Variants in RADX observed in about 807,000 individuals in gnomAD.
RADX encodes the protein RPA-related protein RADX.
A neutral mutation model predicts 61.6 loss-of-function variants in RADX; 36 were observed. The ratio of observed to expected loss-of-function variants is 0.58; its 90% CI spans 0.45 to 0.77. The LOEUF (loss-of-function observed/expected upper bound fraction) is 0.77, where lower values mean the gene tolerates loss of function less well. Ranked by LOEUF, RADX falls within the 30% of genes least tolerant of loss-of-function variation. The probability of loss-of-function intolerance (pLI) is 0.00; values close to 1 mark genes in which losing one functional copy is unlikely to be tolerated. For synonymous variants in RADX, 272 were observed against 237.9 expected (o/e 1.14, Z -1.32); for missense variants, 497 against 651.1 (o/e 0.76, Z 2.58).
chrX:106,629,290 G>A (rs750913272), intron 3 of RADX, among the ~76,000 whole-genome samples: 2 of 111,531 alleles, frequency 1.8e-5, no homozygotes, highest in African/African-American at 3.3e-5. Context: ...AAAGTACTTC[G>A]GAATATGCAA....
intron 11 of RADX, among the ~76,000 whole-genome samples, chrX:106,658,700 A>G (rs751067188): frequency 8.9e-6 from 1 of 112,308 alleles, no homozygotes; most frequent in South Asian, 3.7e-4. Context: ...AGGTAGTTTC[A>G]TGATAACTTT....
intron 11 of RADX, among the ~76,000 whole-genome samples, chrX:106,661,632 C>T (rs1273640129): frequency 1.8e-5 from 2 of 110,657 alleles, no homozygotes; most frequent in African/African-American, 6.6e-5. Context: ...CTCAAATTTC[C>T]ACCAAGAGTG....
chrX:106,645,470 C>G (rs1291887176), intron 10 of RADX, among the ~76,000 whole-genome samples: 1 of 110,919 alleles, frequency 9.0e-6, no homozygotes, highest in Non-Finnish European at 1.9e-5. Context: ...TCATTTGTTT[C>G]GAGCAATTTT....
intron 13 of RADX, among the ~76,000 whole-genome samples, chrX:106,676,629 T>C (rs1247580218): frequency 8.9e-6 from 1 of 112,618 alleles, no homozygotes; most frequent in Non-Finnish European, 1.9e-5. Flanking sequence ...CTGTGATGCA[T>C]TATCTTAGCA....
intron 1 of RADX, among the ~76,000 whole-genome samples, chrX:106,616,782 G>A (rs1271919136): frequency 9.2e-6 from 1 of 108,666 alleles, no homozygotes; most frequent in African/African-American, 3.4e-5. Flanking sequence ...CAACCATGTC[G>A]GAAACTAGAT....
chrX:106,636,577 C>T lies in RADX; in HGVS notation c.1338C>T (p.Val446=). ...TTGTGTGTACACAGTTGAAAGTTGT[C>T]AGAAATGACAATCAAGTACCTAAGC... ...AYFVCTQLKV[V]RNDNQVPKLL... The change falls in exon 7 of 14, where the codon GTC becomes GTT. Residue 446 remains valine (V), a synonymous_variant. Transcript: ENST00000372548. 1 of 1,203,673 alleles carries T rather than the reference C, an allele frequency of 8.3e-7. No individual in the cohort carries two copies. Among genetic ancestry groups the T allele is most frequent in the Non-Finnish European group, 1.1e-6 (1 of 889,228 alleles).
chrX:106,658,933 C>A (rs1928017365), intron 11 of RADX, among the ~76,000 whole-genome samples: 2 of 100,862 alleles, frequency 2.0e-5, no homozygotes, highest in African/African-American at 7.1e-5. Flanking sequence ...TAGCTCCTTT[C>A]CCTCCCCCAT....
intron 10 of RADX, among the ~76,000 whole-genome samples, chrX:106,644,307 A>G (rs1927603384): frequency 9.0e-6 from 1 of 111,142 alleles, no homozygotes; most frequent in South Asian, 3.8e-4. Flanking sequence ...TTCCAGTACT[A>G]TGCTGAATAA....
chrX:106,626,703 A>C (rs1242054758), intron 3 of RADX, among the ~76,000 whole-genome samples: 1 of 112,265 alleles, frequency 8.9e-6, no homozygotes, highest in Non-Finnish European at 1.9e-5. Context: ...TATATTTTAA[A>C]TGTACCTTTT....
intron 1 of RADX, among the ~76,000 whole-genome samples, chrX:106,613,753 A>G (rs184707785): frequency 8.9e-6 from 1 of 112,097 alleles, no homozygotes; most frequent in African/African-American, 3.2e-5. Flanking sequence ...ATTTTAAATA[A>G]CTAAATTTTA....
At chrX:106,619,062 A>T (rs1315173336) in intron 1 of RADX, among the ~76,000 whole-genome samples, 2 of 108,920 alleles carry the variant, frequency 1.8e-5, no homozygotes, top group African/African-American at 6.7e-5. Context: ...CGGGATTAAA[A>T]TTTTCTTTTT....
intron 1 of RADX, among the ~76,000 whole-genome samples, chrX:106,613,611 C>T (rs1463833480): frequency 1.8e-5 from 2 of 111,876 alleles, no homozygotes; most frequent in Non-Finnish European, 3.8e-5. Flanking sequence ...TGCTAAATCA[C>T]GGATAATCTT....
chrX:106,622,332 T>C (rs1331772735), intron 1 of RADX, among the ~76,000 whole-genome samples: 1 of 107,854 alleles, frequency 9.3e-6, no homozygotes, highest in Non-Finnish European at 1.9e-5. Flanking sequence ...TTAAGGGAGG[T>C]GAGTTTAAAT....
chrX:106,665,422 A>T (rs1174485110), intron 12 of RADX, among the ~76,000 whole-genome samples: 1 of 112,182 alleles, frequency 8.9e-6, no homozygotes, highest in Admixed American at 9.5e-5. Flanking sequence ...TTTGAATTTC[A>T]TATTTTCATG....
Position 106,661,995 on chromosome X carries a change from T to C in RADX, c.1979-20T>C, listed in dbSNP as rs771475766. ...TTAGTTTATAGATCAATTGTGTCTA[T>C]CTCCTTGTGTCTTTAACAGGTCGAG... is the stretch of plus-strand genomic sequence containing the variant. On this transcript the variant is annotated intron_variant, in intron 11 of 13. Coordinates refer to ENST00000372548, the MANE Select transcript of RADX (RefSeq NM_018015.6). The C allele has an allele frequency of 1.3e-5, 16 of 1,194,457 alleles. No individual in the cohort carries two copies. The highest frequency in any genetic ancestry group is 6.0e-5 in the East Asian group (2 of 33,594).
intron 10 of RADX, among the ~76,000 whole-genome samples, chrX:106,646,924 A>G (rs1410298422): frequency 9.0e-6 from 1 of 111,483 alleles, no homozygotes; most frequent in Non-Finnish European, 1.9e-5. Flanking sequence ...AATGCATAAT[A>G]ATCACATCAT....
intron 9 of RADX, 152 bp downstream of exon 9, chrX:106,639,839 T>C (rs1299349049): frequency 1.0e-5 from 4 of 383,465 alleles, no homozygotes; most frequent in Non-Finnish European, 1.7e-5. Context: ...AAAGGCATTG[T>C]GGTTTTTGCC....
intron 10 of RADX, among the ~76,000 whole-genome samples, chrX:106,644,313 A>T (rs1372388558): frequency 9.0e-6 from 1 of 111,231 alleles, no homozygotes; most frequent in Non-Finnish European, 1.9e-5. Flanking sequence ...TACTATGCTG[A>T]ATAACAGGGG....
intron 11 of RADX, among the ~76,000 whole-genome samples, chrX:106,649,515 G>T: frequency 8.9e-6 from 1 of 111,740 alleles, no homozygotes; most frequent in Non-Finnish European, 1.9e-5. Context: ...ACCTACAGAA[G>T]ATAATATGGT....
Sources: allele counts gnomAD v4.1 joint callset (sites outside exome capture counted in the v4.1 genomes callset), GRCh38; gene constraint gnomAD v4.1.1; transcripts MANE v1.5; gene names NCBI Gene and HGNC (gene_info 2026-07-23, HGNC 2026-07-21).